MIPOL1: variants seen among roughly 807,000 people sequenced by gnomAD.
The protein encoded by MIPOL1 is mirror-image polydactyly 1.
A neutral mutation model predicts 60.9 loss-of-function variants in MIPOL1; 57 were observed. The ratio of observed to expected loss-of-function variants is 0.94; its 90% confidence interval spans 0.76 to 1.17. MIPOL1 has a LOEUF of 1.17. Ranked by LOEUF, MIPOL1 falls within the 50% of genes most tolerant of loss-of-function variation. MIPOL1 has a pLI of 0.00. For synonymous variants in MIPOL1, 179 were observed against 168.8 expected, an observed-to-expected ratio of 1.06 and a Z score of -0.47; for missense variants, 551 against 511.6, an observed-to-expected ratio of 1.08 and a Z score of -0.74.
At chr14:37,475,102 C>T (rs778725000) in intron 11 of MIPOL1, among the ~76,000 whole-genome samples, 7 of 151,852 alleles carry the variant, frequency 4.6e-5, no homozygotes, top group Non-Finnish European at 1.0e-4. Context: ...GTAGCTGGGA[C>T]TACAGGCATG....
intron 11 of MIPOL1, among the ~76,000 whole-genome samples, chr14:37,451,027 A>G (rs1193099800): frequency 1.3e-5 from 2 of 152,218 alleles, no homozygotes; most frequent in African/African-American, 4.8e-5. Flanking sequence ...CTGTATTTAT[A>G]AAGTTAATGC....
At chr14:37,218,962 T>A (rs68051257) in intron 1 of MIPOL1, among the ~76,000 whole-genome samples, 38,631 of 148,662 alleles carry the variant, frequency 0.26, 5,154 homozygotes, top group South Asian at 0.33. Flanking sequence ...AAACCAGAGC[T>A]AGGTAATATT....
chr14:37,308,152 T>C, intron 8 of MIPOL1, 63 bp downstream of exon 8: 7 of 1,476,364 alleles, frequency 4.7e-6, no homozygotes, highest in South Asian at 2.4e-5. Context: ...TTAAGTTCAA[T>C]TGAGTGGGTT....
chr14:37,452,397 T>C (rs2094433399), intron 11 of MIPOL1, among the ~76,000 whole-genome samples: 1 of 152,230 alleles, frequency 6.6e-6, no homozygotes, highest in East Asian at 1.9e-4. Flanking sequence ...TCACTTGAAG[T>C]ATCTTGCCAG....
At chr14:37,502,238 G>A (rs1956435) in intron 12 of MIPOL1, 117,251 of 152,250 alleles carry the variant, frequency 0.77, 45,692 homozygotes, top group African/African-American at 0.89. Context: ...CTCTGAAGAG[G>A]GAAGTGGTTA....
At chr14:37,404,560 G>A (rs2093553191) in intron 10 of MIPOL1, among the ~76,000 whole-genome samples, 1 of 152,138 alleles carries the variant, frequency 6.6e-6, no homozygotes, top group Non-Finnish European at 1.5e-5. Context: ...TGTAGCACTT[G>A]TCTGATTCCT....
At chr14:37,295,774 C>A (rs2085597994) in intron 7 of MIPOL1, among the ~76,000 whole-genome samples, 1 of 152,156 alleles carries the variant, frequency 6.6e-6, no homozygotes, top group South Asian at 2.1e-4. Flanking sequence ...TATATATGTA[C>A]CCAATACAGG....
rs774762730 is a variant in MIPOL1 at position 37,285,440 on chromosome 14, C to A, written c.616C>A (p.Leu206Ile). ...ACGAGCCAAGCATATGGAAATGTCTCTAAAAGTGTATGTACACATTTAAAA... is the reference window on the plus strand; with the variant it reads ...ACGAGCCAAGCATATGGAAATGTCTATAAAAGTGTATGTACACATTTAAAA... ...IARAKHMEMS[L>I]KVLENINPEE... The change falls in exon 7 of 13, where the codon CTA (leucine) becomes ATA (isoleucine). Residue 206 changes from leucine to isoleucine, a missense_variant. Coordinates refer to ENST00000684589, the MANE Select transcript of MIPOL1 (RefSeq NM_001388067.1). 6.2e-7 allele frequency: 1 copy of A among 1,613,774 alleles called. No homozygotes were observed. The highest frequency in any genetic ancestry group is 1.1e-5 in the South Asian group (1 of 91,026).
At chr14:37,503,897 T>C (rs983952493) in intron 12 of MIPOL1, 1 of 152,048 alleles carries the variant, frequency 6.6e-6, no homozygotes, top group Non-Finnish European at 1.5e-5. Flanking sequence ...GCTTAAAATA[T>C]AGGGATGGAG....
intron 12 of MIPOL1, among the ~76,000 whole-genome samples, chr14:37,519,759 A>T (rs1437183420): frequency 6.6e-6 from 1 of 152,172 alleles, no homozygotes; most frequent in African/African-American, 2.4e-5. Context: ...TTGCTAAGTT[A>T]TCCTGACTTG....
At chr14:37,453,305 G>C (rs2094442735) in intron 11 of MIPOL1, among the ~76,000 whole-genome samples, 1 of 151,990 alleles carries the variant, frequency 6.6e-6, no homozygotes, top group Non-Finnish European at 1.5e-5. Flanking sequence ...AAGTGAAACA[G>C]GGAGGCGCTT....
chr14:37,299,451 A>T (rs1402288567), intron 7 of MIPOL1, among the ~76,000 whole-genome samples: 3 of 72,710 alleles, frequency 4.1e-5, no homozygotes, highest in South Asian at 1.6e-3. Context: ...ATAAAAAAAA[A>T]TTAAAAAAAT....
chr14:37,222,276 G>C (rs1333785200), intron 1 of MIPOL1, among the ~76,000 whole-genome samples: 1 of 151,022 alleles, frequency 6.6e-6, no homozygotes, highest in African/African-American at 2.4e-5. Flanking sequence ...TGGCTGGAGT[G>C]CGGTGGCACA....
At chr14:37,518,225 A>C (rs1446953578) in intron 12 of MIPOL1, among the ~76,000 whole-genome samples, 1 of 152,228 alleles carries the variant, frequency 6.6e-6, no homozygotes, top group Admixed American at 6.5e-5. Context: ...TGTTGGATTG[A>C]GCAAATAAAG....
At chr14:37,497,615 A>G (rs1467874832) in intron 11 of MIPOL1, among the ~76,000 whole-genome samples, 1 of 152,204 alleles carries the variant, frequency 6.6e-6, no homozygotes, top group Non-Finnish European at 1.5e-5. Context: ...CTGAGGCAGG[A>G]GGACTGTTTG....
At chr14:37,481,366 G>A (rs933203838) in intron 11 of MIPOL1, among the ~76,000 whole-genome samples, 30 of 152,026 alleles carry the variant, frequency 2.0e-4, no homozygotes, top group African/African-American at 6.0e-4. Context: ...GTCAATGAAA[G>A]AGATTGAAGA....
intron 9 of MIPOL1, among the ~76,000 whole-genome samples, chr14:37,320,871 A>G (rs2088509125): frequency 6.6e-6 from 1 of 152,042 alleles, no homozygotes; most frequent in Non-Finnish European, 1.5e-5. Context: ...TCCTCCCAAC[A>G]ACGAATTGCA....
chr14:37,455,446 A>G (rs1353649655), intron 11 of MIPOL1, among the ~76,000 whole-genome samples: 3 of 152,184 alleles, frequency 2.0e-5, no homozygotes, highest in African/African-American at 7.2e-5. Context: ...ATAATATTAT[A>G]GTTTTAAAGC....
intron 9 of MIPOL1, among the ~76,000 whole-genome samples, chr14:37,315,856 A>C (rs1193921161): frequency 6.6e-6 from 1 of 152,214 alleles, no homozygotes; most frequent in African/African-American, 2.4e-5. Context: ...ACCAAAGAGA[A>C]GAGGGGCTAA....
Sources: gnomAD v4.1 joint callset for allele counts (sites outside exome capture counted in the v4.1 genomes callset) on GRCh38, gnomAD v4.1.1 for gene constraint, MANE v1.5 for transcripts, NCBI Gene and HGNC (gene_info 2026-07-23, HGNC 2026-07-21) for gene names.